Variants in DPYS observed in about 807,000 individuals in gnomAD.
DPYS encodes dihydropyrimidinase.
Under a neutral mutation model 50.3 loss-of-function variants are expected in DPYS, and 39 were observed. That is an observed-to-expected ratio of 0.78 (90% confidence interval 0.60 to 1.01). The LOEUF (loss-of-function observed/expected upper bound fraction) is 1.01, where lower values mean the gene tolerates loss of function less well. Ranked by LOEUF, DPYS falls within the 50% of genes least tolerant of loss-of-function variation. The pLI is 0.00. For missense variants in DPYS, 659 were observed against 680.9 expected, an observed-to-expected ratio of 0.97 and a Z score of 0.36; for synonymous variants, 245 against 250.7, an observed-to-expected ratio of 0.98 and a Z score of 0.22.
chr8:104,426,987 G>A (rs1405053976), intron 6 of DPYS, among the ~76,000 whole-genome samples: 1 of 152,204 alleles, frequency 6.6e-6, no homozygotes, highest in East Asian at 2.0e-4. Context: ...GATCACCTGA[G>A]GTCAGGAGTT....
intron 1 of DPYS, among the ~76,000 whole-genome samples, chr8:104,461,290 T>A (rs1814154323): frequency 3.7e-5 from 1 of 26,952 alleles, no homozygotes; most frequent in African/African-American, 1.2e-4. Flanking sequence ...AGACCCTGTC[T>A]CAATAAAATA....
At chr8:104,422,957 T>C (rs781621141) in intron 7 of DPYS, among the ~76,000 whole-genome samples, 1 of 152,232 alleles carries the variant, frequency 6.6e-6, no homozygotes, top group Non-Finnish European at 1.5e-5. Flanking sequence ...TCCATTGCCT[T>C]TCCAAGCACA....
At chr8:104,424,786 C>G (rs1227061248) in intron 6 of DPYS, among the ~76,000 whole-genome samples, 1 of 150,854 alleles carries the variant, frequency 6.6e-6, no homozygotes, top group Non-Finnish European at 1.5e-5. Context: ...ATCATGTAGA[C>G]ATTAGATAGA....
intron 7 of DPYS, chr8:104,419,645 C>T (rs1319494800): frequency 6.6e-6 from 1 of 152,040 alleles, no homozygotes; most frequent in Non-Finnish European, 1.5e-5. Context: ...CTCCCGCAAA[C>T]CCACAACCCG....
chr8:104,399,287 T>C (rs1324321506), intron 7 of DPYS, among the ~76,000 whole-genome samples: 4 of 46,588 alleles, frequency 8.6e-5, no homozygotes, highest in Admixed American at 3.6e-4. Flanking sequence ...TGAGACTCCA[T>C]CTCAAAAAAA....
intron 1 of DPYS, among the ~76,000 whole-genome samples, chr8:104,466,326 T>C (rs1588470020): frequency 2.6e-5 from 4 of 152,126 alleles, no homozygotes; most frequent in Admixed American, 2.6e-4. Flanking sequence ...CAAAATGGGG[T>C]TGCGGGGAGA....
chr8:104,407,103 C>G (rs1450932900), intron 7 of DPYS, among the ~76,000 whole-genome samples: 2 of 152,220 alleles, frequency 1.3e-5, no homozygotes, highest in Non-Finnish European at 2.9e-5. Flanking sequence ...CTACTAAACC[C>G]TATGTGAGAA....
intron 7 of DPYS, among the ~76,000 whole-genome samples, chr8:104,415,893 T>G (rs1319952620): frequency 6.6e-6 from 1 of 152,090 alleles, no homozygotes; most frequent in East Asian, 1.9e-4. Context: ...TAATAAGAGC[T>G]CCCACTCATT....
chr8:104,456,890 C>A, intron 1 of DPYS, among the ~76,000 whole-genome samples: 1 of 152,188 alleles, frequency 6.6e-6, no homozygotes, highest in East Asian at 1.9e-4. Context: ...TAAACTCTAA[C>A]AGTGGGTCAT....
chr8:104,435,917 G>C (rs1813126039), intron 4 of DPYS, among the ~76,000 whole-genome samples: 1 of 152,140 alleles, frequency 6.6e-6, no homozygotes, highest in Admixed American at 6.5e-5. Flanking sequence ...ATAAAGAAAA[G>C]TTAGGGGGAG....
chr8:104,451,147 C>G (rs1813721831), intron 2 of DPYS, 99 bp downstream of exon 2: 2 of 1,492,232 alleles, frequency 1.3e-6, no homozygotes, highest in Non-Finnish European at 1.9e-6. Context: ...GTTCTGTCCT[C>G]CTGTTGTCTA....
At chr8:104,411,058 C>T (rs2140572232) in intron 7 of DPYS, among the ~76,000 whole-genome samples, 1 of 152,272 alleles carries the variant, frequency 6.6e-6, no homozygotes, top group African/African-American at 2.4e-5. Flanking sequence ...GTGAGACCTC[C>T]TTCATCTCTG....
At chr8:104,395,515 A>G (rs1811549116) in intron 7 of DPYS, among the ~76,000 whole-genome samples, 1 of 152,074 alleles carries the variant, frequency 6.6e-6, no homozygotes, top group African/African-American at 2.4e-5. Context: ...ATTCTTCATC[A>G]CTATAGTTTT....
At chr8:104,386,547 G>T (rs889056000) in intron 8 of DPYS, among the ~76,000 whole-genome samples, 4 of 149,488 alleles carry the variant, frequency 2.7e-5, no homozygotes, top group African/African-American at 9.8e-5. Flanking sequence ...AAAAAGAAAA[G>T]AAAAAGAAAA....
chr8:104,386,013 AGGACATCGGT>A (rs923705134), intron 8 of DPYS, among the ~76,000 whole-genome samples: 2 of 152,378 alleles, frequency 1.3e-5, no homozygotes, highest in African/African-American at 4.8e-5. Flanking sequence ...CTCACCTAGC[AGGACATCGGT>A]GGTTTACTTT....
At chr8:104,401,166 A>G (rs1475042157) in intron 7 of DPYS, among the ~76,000 whole-genome samples, 2 of 152,156 alleles carry the variant, frequency 1.3e-5, no homozygotes, top group African/African-American at 4.8e-5. Context: ...AGTTAATAGA[A>G]TCATGTCAGG....
rs193109844 is a variant in DPYS at position 104,427,485 on chromosome 8, G to A, written c.1092+495C>T. 2.6e-3 allele frequency among the ~76,000 whole-genome samples: 401 copies of A among 151,954 alleles called. 2 individuals are homozygous for A. Among genetic ancestry groups the A allele is most frequent in the African/African-American group, 8.8e-3 (366 of 41,486 alleles). On this transcript the variant is annotated intron_variant, in intron 6 of 9. Transcript: ENST00000351513. ...GTAGAGATGGGGTTTCACCATGTTA[G>A]CCAGGTTGGTCTTGAACTCCTGACC...
At chr8:104,424,445 C>T (rs956971375) in intron 6 of DPYS, 56 bp from the exon 7 acceptor site, 18 of 1,573,542 alleles carry the variant, frequency 1.1e-5, no homozygotes, top group Admixed American at 8.6e-5. Flanking sequence ...AGTATCCTAT[C>T]GATAAAATGA....
intron 7 of DPYS, among the ~76,000 whole-genome samples, chr8:104,401,835 T>A (rs906440104): frequency 6.6e-6 from 1 of 152,172 alleles, no homozygotes; most frequent in East Asian, 1.9e-4. Context: ...TTCAAGTACA[T>A]TGTCATTATT....
Sources: allele counts gnomAD v4.1 joint callset (sites outside exome capture counted in the v4.1 genomes callset), GRCh38; gene constraint gnomAD v4.1.1; transcripts MANE v1.5; gene names NCBI Gene and HGNC (gene_info 2026-07-23, HGNC 2026-07-21).